ATP8A2: variants seen among roughly 807,000 people sequenced by gnomAD.
ATP8A2 encodes ATPase phospholipid transporting 8A2.
A neutral mutation model predicts 165.6 loss-of-function variants in ATP8A2; 100 were observed. The observed-to-expected ratio is 0.60, with a 90% CI of 0.51 to 0.71. The LOEUF is 0.71. ATP8A2 is among the 30% of genes least tolerant of loss of function. The pLI is 0.00. For missense variants in ATP8A2, 1,227 were observed against 1,479.5 expected (o/e 0.83, Z 2.80); for synonymous variants, 543 against 548.8 (o/e 0.99, Z 0.15).
At chr13:25,383,862 C>A (rs2032943893) in intron 1 of ATP8A2, among the ~76,000 whole-genome samples, 2 of 152,288 alleles carry the variant, frequency 1.3e-5, no homozygotes, top group Non-Finnish European at 2.9e-5. Context: ...CCCCTACTTT[C>A]TCCCTTGTCA....
intron 25 of ATP8A2, among the ~76,000 whole-genome samples, chr13:25,710,988 A>T (rs1419501261): frequency 6.6e-6 from 1 of 152,122 alleles, no homozygotes; most frequent in Admixed American, 6.6e-5. Context: ...ACAAAGATAT[A>T]TCCTGAGGTC....
At chr13:25,949,758 C>G (rs562117471) in intron 33 of ATP8A2, among the ~76,000 whole-genome samples, 1 of 152,242 alleles carries the variant, frequency 6.6e-6, no homozygotes, top group East Asian at 1.9e-4. Context: ...CTTCAGTGAA[C>G]GTTGCTTTAT....
At chr13:25,800,995 C>T (rs1950611547) in intron 27 of ATP8A2, among the ~76,000 whole-genome samples, 1 of 152,152 alleles carries the variant, frequency 6.6e-6, no homozygotes, top group Non-Finnish European at 1.5e-5. Context: ...TGCTTCCAGG[C>T]AGCCGTGGAA....
intron 2 of ATP8A2, among the ~76,000 whole-genome samples, chr13:25,503,742 G>A (rs2036931574): frequency 6.6e-6 from 1 of 152,014 alleles, no homozygotes; most frequent in African/African-American, 2.4e-5. Context: ...TAAGGTCCTC[G>A]GGTTAAAAAA....
chr13:25,884,677 TG>T (rs1178655490), intron 33 of ATP8A2, among the ~76,000 whole-genome samples: 1 of 152,248 alleles, frequency 6.6e-6, no homozygotes, highest in Non-Finnish European at 1.5e-5. Context: ...GCTCTTCAAC[TG>T]TTACTCTAAC....
At chr13:25,830,885 A>T (rs1226282773) in intron 28 of ATP8A2, among the ~76,000 whole-genome samples, 1 of 152,224 alleles carries the variant, frequency 6.6e-6, no homozygotes, top group Non-Finnish European at 1.5e-5. Flanking sequence ...CTCTTATACA[A>T]CCGAAGTATA....
chr13:25,846,669 A>G lies in ATP8A2; in HGVS notation c.2956+7045A>G, dbSNP rs547521092. ...TGTAATAAGGCCATTGGCAGGTTTT[A>G]AGCAGGGAGCTGTGCAGTCTGATTT... On this transcript the variant is annotated intron_variant, in intron 30 of 36. Coordinates refer to ENST00000381655, the MANE Select transcript of ATP8A2 (RefSeq NM_016529.6). Among the ~76,000 whole-genome samples, 3 of 152,278 alleles carry G rather than the reference A, an allele frequency of 2.0e-5. No homozygotes were observed. In the South Asian group the frequency reaches 6.2e-4, roughly 32 times the overall value.
intron 18 of ATP8A2, among the ~76,000 whole-genome samples, chr13:25,573,842 G>A (rs2138194940): frequency 6.6e-6 from 1 of 152,364 alleles, no homozygotes; most frequent in Non-Finnish European, 1.5e-5. Flanking sequence ...GGATGAAGTG[G>A]ATCATTAGTT....
At chr13:25,382,439 G>A (rs1312297756) in intron 1 of ATP8A2, among the ~76,000 whole-genome samples, 1 of 152,080 alleles carries the variant, frequency 6.6e-6, no homozygotes, top group Non-Finnish European at 1.5e-5. Context: ...ACGTCTTTTG[G>A]GAAAATTCCA....
At chr13:25,677,609 G>C (rs2042397934) in intron 24 of ATP8A2, among the ~76,000 whole-genome samples, 1 of 152,168 alleles carries the variant, frequency 6.6e-6, no homozygotes, top group Admixed American at 6.5e-5. Context: ...TGAACATGAA[G>C]ATTAATTTGA....
intron 27 of ATP8A2, among the ~76,000 whole-genome samples, chr13:25,795,099 G>T (rs1950472774): frequency 6.6e-6 from 1 of 152,132 alleles, no homozygotes. Flanking sequence ...AAAAACTAAA[G>T]CTTAGTCTCC....
Position 25,372,441 on chromosome 13 carries a change from C to G in ATP8A2, c.76+153C>G, listed in dbSNP as rs1447586751. ...GGCTGCAGGATCCGCCGACGCGGCG[C>G]GCTGGCCGCACGGGGGCTGGGCGTC... On this transcript the variant is annotated intron_variant, in intron 1 of 36. Coordinates refer to ENST00000381655, the MANE Select transcript of ATP8A2 (RefSeq NM_016529.6). The surrounding 1 kb of genome is among the most constrained non-coding windows in gnomAD (Gnocchi z 4.8). Among the ~76,000 whole-genome samples, 1 of 152,132 alleles carries G rather than the reference C, an allele frequency of 6.6e-6. No homozygotes were observed. The highest frequency in any genetic ancestry group is 1.5e-5 in the Non-Finnish European group (1 of 68,006).
intron 2 of ATP8A2, among the ~76,000 whole-genome samples, chr13:25,505,492 G>T (rs1183984614): frequency 6.6e-6 from 1 of 152,110 alleles, no homozygotes; most frequent in Non-Finnish European, 1.5e-5. Flanking sequence ...TAACCTCATA[G>T]ACTTCTTAAA....
intron 2 of ATP8A2, among the ~76,000 whole-genome samples, chr13:25,515,995 G>T (rs932485845): frequency 6.6e-6 from 1 of 152,216 alleles, no homozygotes; most frequent in African/African-American, 2.4e-5. Flanking sequence ...TGACAATTAT[G>T]TGAGAAATCC....
At chr13:25,921,905 A>C (rs2139034702) in intron 33 of ATP8A2, among the ~76,000 whole-genome samples, 1 of 152,340 alleles carries the variant, frequency 6.6e-6, no homozygotes, top group South Asian at 2.1e-4. Flanking sequence ...GAGGTAGTGA[A>C]TCTTTTTCCT....
Position 25,835,492 on chromosome 13 carries a change from G to A in ATP8A2, c.2755-1671G>A, listed in dbSNP as rs146211546. On this transcript the variant is annotated intron_variant, in intron 28 of 36. Coordinates refer to ENST00000381655, the MANE Select transcript of ATP8A2 (RefSeq NM_016529.6). ...CTCCATCTCCAAATAGCTAGTGTGA[G>A]TTCAGAATTCTCGTACAGACACACG... Among the ~76,000 whole-genome samples, 89 of 152,212 alleles carry A rather than the reference G, an allele frequency of 5.8e-4. No homozygotes were observed. In the East Asian group the frequency reaches 0.014, roughly 24 times the overall value.
At chr13:25,456,081 C>A (rs1033942617) in intron 1 of ATP8A2, among the ~76,000 whole-genome samples, 5 of 152,210 alleles carry the variant, frequency 3.3e-5, no homozygotes, top group African/African-American at 9.6e-5. Context: ...CATGTTGCAG[C>A]ATATGTGCTC....
chr13:25,657,185 C>T lies in ATP8A2; in HGVS notation c.2212-41988C>T, dbSNP rs546042815. Among the ~76,000 whole-genome samples the T allele has an allele frequency of 1.4e-3, 207 of 151,916 alleles. 1 individual carries two copies. The highest frequency in any genetic ancestry group is 4.7e-3 in the African/African-American group (196 of 41,436). On this transcript the variant is annotated intron_variant, in intron 24 of 36. Coordinates refer to ENST00000381655, the MANE Select transcript of ATP8A2 (RefSeq NM_016529.6). The stretch of plus-strand genomic sequence containing the variant: ...ACACTGACTTTATAACTCCAGAAAG[C>T]CACATGAAATGAGTTTGGTGTTCAG...
chr13:26,008,253 A>C (rs1956782806), intron 35 of ATP8A2, among the ~76,000 whole-genome samples: 2 of 152,192 alleles, frequency 1.3e-5, no homozygotes, highest in South Asian at 4.2e-4. Flanking sequence ...AGATTCTATA[A>C]AATAGTGATG....
Sources: gnomAD v4.1 joint callset for allele counts (sites outside exome capture counted in the v4.1 genomes callset) on GRCh38, gnomAD v4.1.1 for gene constraint, Gnocchi (gnomAD v3.1) non-coding constraint, MANE v1.5 for transcripts, NCBI Gene and HGNC (gene_info 2026-07-23, HGNC 2026-07-21) for gene names.